The following KIAA0319 variants were observed in gnomAD, a reference collection of about 807,000 sequenced individuals.
KIAA0319 encodes dyslexia-associated protein KIAA0319.
A neutral mutation model predicts 108.4 loss-of-function variants in KIAA0319; 83 were observed. That is an observed-to-expected ratio of 0.77 (90% CI 0.64 to 0.92). The LOEUF is 0.92. Ranked by LOEUF, KIAA0319 falls within the 40% of genes least tolerant of loss-of-function variation. The probability of loss-of-function intolerance (pLI) is 0.00; values close to 1 mark genes in which losing one functional copy is unlikely to be tolerated. For synonymous variants in KIAA0319, 484 were observed against 510.4 expected, an observed-to-expected ratio of 0.95 and a Z score of 0.70; for missense variants, 1,195 against 1,322.4, an observed-to-expected ratio of 0.90 and a Z score of 1.49.
At chr6:24,556,200 C>G (rs1762266316) in intron 18 of KIAA0319, among the ~76,000 whole-genome samples, 1 of 150,560 alleles carries the variant, frequency 6.6e-6, no homozygotes, top group African/African-American at 2.5e-5. Flanking sequence ...CTCCTCTCCC[C>G]TCCTTCCTTC....
chr6:24,587,266 TTTTC>T (rs1767653640), intron 4 of KIAA0319, among the ~76,000 whole-genome samples: 1 of 150,580 alleles, frequency 6.6e-6, no homozygotes, highest in Admixed American at 6.8e-5. Context: ...CTCCACACTA[TTTTC>T]TTTTTTTTCC....
intron 5 of KIAA0319, 134 bp from the exon 6 acceptor site, chr6:24,582,480 T>C: frequency 2.7e-6 from 1 of 371,108 alleles, no homozygotes; most frequent in Non-Finnish European, 5.0e-6. Context: ...CTTTCTTTTT[T>C]TTTTTTAACT....
rs567078554 is a variant in KIAA0319 at position 24,616,109 on chromosome 6, A to G, written c.-105-14901T>C. On this transcript the variant is annotated intron_variant, in intron 1 of 20. Coordinates refer to ENST00000378214, the MANE Select transcript of KIAA0319 (RefSeq NM_014809.4). ...CAGAAGACATTGTTTGTAGGTATTAAAGACTCTGTTGTATGTTGTTTTAAT... is the reference window on the plus strand; with the variant it reads ...CAGAAGACATTGTTTGTAGGTATTAGAGACTCTGTTGTATGTTGTTTTAAT... 5.3e-5 allele frequency among the ~76,000 whole-genome samples: 8 copies of G among 152,336 alleles called. No individual in the cohort carries two copies. The South Asian group carries it at 1.4e-3, about 28-fold the overall frequency.
At chr6:24,604,976 G>A (rs1163834769) in intron 1 of KIAA0319, among the ~76,000 whole-genome samples, 3 of 152,134 alleles carry the variant, frequency 2.0e-5, no homozygotes, top group Non-Finnish European at 2.9e-5. Flanking sequence ...AAGTAGCTAG[G>A]ATTACAGGCG....
chr6:24,598,390 G>T, intron 2 of KIAA0319: 2 of 616,084 alleles, frequency 3.2e-6, no homozygotes, highest in Admixed American at 1.9e-5. Context: ...CAAGGTGCTG[G>T]AGACCAACTG....
At chr6:24,563,208 G>T (rs1763333290) in intron 16 of KIAA0319, 151 bp downstream of exon 16, 2 of 785,936 alleles carry the variant, frequency 2.5e-6, no homozygotes, top group Non-Finnish European at 3.8e-6. Context: ...CCATACTACT[G>T]CCCTTTGAGA....
At chr6:24,560,554 C>T (rs1388583279) in intron 16 of KIAA0319, among the ~76,000 whole-genome samples, 2 of 152,190 alleles carry the variant, frequency 1.3e-5, no homozygotes, top group African/African-American at 2.4e-5. Context: ...CTGTGAAACA[C>T]GTCCCACGAA....
intron 3 of KIAA0319, among the ~76,000 whole-genome samples, chr6:24,591,926 TA>T (rs1326353109): frequency 1.3e-5 from 2 of 152,224 alleles, no homozygotes; most frequent in Non-Finnish European, 2.9e-5. Flanking sequence ...GTTATTTATA[TA>T]TTCAGTATAC....
At chr6:24,551,218 C>G (rs576527676) in intron 20 of KIAA0319, among the ~76,000 whole-genome samples, 38 of 151,788 alleles carry the variant, frequency 2.5e-4, no homozygotes, top group African/African-American at 8.9e-4. Context: ...AACTACTGAG[C>G]TCAGGCGCCT....
intron 20 of KIAA0319, 131 bp downstream of exon 20, chr6:24,551,303 G>T (rs775398526): frequency 7.8e-5 from 53 of 681,908 alleles, no homozygotes; most frequent in Non-Finnish European, 8.9e-5. Flanking sequence ...CAGAATCCCA[G>T]CCTCACTCTT....
At chr6:24,622,842 G>A (rs1044580359) in intron 1 of KIAA0319, among the ~76,000 whole-genome samples, 7 of 152,200 alleles carry the variant, frequency 4.6e-5, no homozygotes, top group African/African-American at 1.7e-4. Context: ...TCAGGAGTTC[G>A]AGACCAGCCT....
chr6:24,608,113 G>A (rs528956627), intron 1 of KIAA0319, among the ~76,000 whole-genome samples: 1 of 152,148 alleles, frequency 6.6e-6, no homozygotes, highest in African/African-American at 2.4e-5. Context: ...GAGGACTATA[G>A]CAACAGCAAC....
chr6:24,622,151 GA>G (rs1288950309), intron 1 of KIAA0319, among the ~76,000 whole-genome samples: 1 of 151,998 alleles, frequency 6.6e-6, no homozygotes, highest in Non-Finnish European at 1.5e-5. Context: ...ACCCCAGAGG[GA>G]AACCTGACCA....
intron 11 of KIAA0319, 109 bp from the exon 12 acceptor site, chr6:24,570,144 T>G (rs949502082): frequency 9.7e-7 from 1 of 1,025,864 alleles, no homozygotes; most frequent in African/African-American, 1.6e-5. Context: ...AGGCAGCCAC[T>G]AGAGTATGCA....
chr6:24,584,562 G>T (rs935461923), intron 4 of KIAA0319, among the ~76,000 whole-genome samples: 3 of 151,576 alleles, frequency 2.0e-5, no homozygotes, highest in African/African-American at 7.3e-5. Context: ...TCCTAGATCA[G>T]CTGCAGAGGC....
intron 9 of KIAA0319, 123 bp from the exon 10 acceptor site, chr6:24,576,719 G>C: frequency 1.3e-6 from 1 of 745,182 alleles, no homozygotes; most frequent in Non-Finnish European, 2.3e-6. Flanking sequence ...CAGGAGTTCT[G>C]AGACCAGCTG....
Position 24,588,684 on chromosome 6 carries a change from C to T in KIAA0319, c.903G>A (p.Glu301=). Reference sequence around the variant, plus strand: ...TAGTGGGAGGTGTTGGGATGCTGTGCTCTGTACTCCCCGGGGTGACTGTGA... The same window carrying T: ...TAGTGGGAGGTGTTGGGATGCTGTGTTCTGTACTCCCCGGGGTGACTGTGA... ...PVLTVTPGST[E]HSIPTPPTSA... is the part of the protein sequence containing the mutation. The change falls in exon 4 of 21, where the codon GAG becomes GAA. Residue 301 remains glutamate (E), a synonymous_variant. Coordinates refer to ENST00000378214, the MANE Select transcript of KIAA0319 (RefSeq NM_014809.4). The T allele has an allele frequency of 6.2e-7, 1 of 1,613,982 alleles. No individual in the cohort carries two copies. Among genetic ancestry groups the T allele is most frequent in the Non-Finnish European group, 8.5e-7 (1 of 1,179,958 alleles).
intron 1 of KIAA0319, among the ~76,000 whole-genome samples, chr6:24,627,041 T>C (rs188990993): frequency 6.6e-6 from 1 of 152,314 alleles, no homozygotes; most frequent in East Asian, 1.9e-4. Context: ...TAGTGACCAA[T>C]TTATAAGTGC....
At chr6:24,554,679 G>A in intron 18 of KIAA0319, 48 bp from the exon 19 acceptor site, 2 of 1,306,128 alleles carry the variant, frequency 1.5e-6, no homozygotes, top group Non-Finnish European at 2.2e-6. Context: ...GCTATTTGTA[G>A]AACAACTTTA....
Sources: gnomAD v4.1 joint callset for allele counts (sites outside exome capture counted in the v4.1 genomes callset) on GRCh38, gnomAD v4.1.1 for gene constraint, MANE v1.5 for transcripts, NCBI Gene and HGNC (gene_info 2026-07-23, HGNC 2026-07-21) for gene names.